LGI1: variants seen among roughly 807,000 people sequenced by gnomAD.
LGI1 encodes leucine rich glioma inactivated 1, also known as leucine-rich glioma-inactivated protein 1.
A neutral mutation model predicts 57.7 loss-of-function variants in LGI1; 11 were observed. The observed-to-expected ratio is 0.19, with a 90% CI of 0.12 to 0.32. The LOEUF (loss-of-function observed/expected upper bound fraction) is 0.32, where lower values mean the gene tolerates loss of function less well. Ranked by LOEUF, LGI1 falls within the 10% of genes least tolerant of loss-of-function variation. The pLI, the probability that LGI1 is intolerant of heterozygous loss-of-function variation, is 1.00. For missense variants in LGI1, 422 were observed against 661.9 expected, an observed-to-expected ratio of 0.64 and a Z score of 3.98; for synonymous variants, 222 against 241.9, an observed-to-expected ratio of 0.92 and a Z score of 0.76.
intron 2 of LGI1, chr10:93,771,669 A>T (rs907391000): frequency 1.3e-5 from 2 of 152,172 alleles, no homozygotes; most frequent in African/African-American, 4.8e-5. Context: ...TAAATTTATA[A>T]TTTTTTTAAA....
At chr10:93,771,354 A>C (rs1001910296) in intron 2 of LGI1, 1 of 152,258 alleles carries the variant, frequency 6.6e-6, no homozygotes, top group African/African-American at 2.4e-5. Context: ...TATTTAAAGA[A>C]TGAAATCATG....
At chr10:93,778,531 G>T (rs558591862) in intron 4 of LGI1, among the ~76,000 whole-genome samples, 2 of 152,224 alleles carry the variant, frequency 1.3e-5, no homozygotes, top group African/African-American at 4.8e-5. Flanking sequence ...CTGCCAAACA[G>T]GCACAATAAT....
At chr10:93,787,677 G>A (rs567145485) in intron 4 of LGI1, among the ~76,000 whole-genome samples, 98 of 152,188 alleles carry the variant, frequency 6.4e-4, no homozygotes, top group African/African-American at 2.3e-3. Flanking sequence ...GGAGGAAGAG[G>A]CATGAGGATA....
intron 2 of LGI1, chr10:93,770,725 A>G (rs1007860322): frequency 4.6e-5 from 7 of 152,184 alleles, no homozygotes; most frequent in Non-Finnish European, 7.3e-5. Flanking sequence ...GCTTAATGTT[A>G]GCATTTTACA....
In LGI1 at chr10:93,777,216, A is replaced by G. The variant is rs547635097; in HGVS notation, c.288-163A>G. The G allele has an allele frequency of 1.4e-5, 10 of 692,796 alleles. No individual in the cohort carries two copies. In the East Asian group the frequency reaches 2.7e-4, roughly 19 times the overall value. The allele number at this position is 692,796 out of a possible 1,614,324, so 42.9% of individuals were successfully genotyped here. ...CTTTGATGAGGAGATGATTAGGAGT[A>G]AAAAAATGCTGCATAGATTATCTGC... is the stretch of plus-strand genomic sequence containing the variant. On this transcript the variant is annotated intron_variant, in intron 2 of 7. Transcript: ENST00000371418.
intron 2 of LGI1, chr10:93,769,307 A>T (rs866859659): frequency 1.3e-5 from 2 of 152,168 alleles, no homozygotes; most frequent in Non-Finnish European, 2.9e-5. Flanking sequence ...TTACATATAC[A>T]TATACATATG....
chr10:93,762,397 T>G (rs2059633531), intron 2 of LGI1: 1 of 152,218 alleles, frequency 6.6e-6, no homozygotes, highest in Non-Finnish European at 1.5e-5. Context: ...AAAGAAGGAA[T>G]AAGTCCATCC....
At chr10:93,782,280 C>A (rs960181124) in intron 4 of LGI1, among the ~76,000 whole-genome samples, 2 of 152,168 alleles carry the variant, frequency 1.3e-5, no homozygotes, top group African/African-American at 2.4e-5. Flanking sequence ...GAATTTGGGG[C>A]AGGCCATTTA....
chr10:93,783,479 C>T (rs1392213861), intron 4 of LGI1, among the ~76,000 whole-genome samples: 1 of 152,200 alleles, frequency 6.6e-6, no homozygotes, highest in Non-Finnish European at 1.5e-5. Flanking sequence ...TTTAAAGAGC[C>T]TCCACGTTGC....
At position 93,758,015 on chromosome 10, in the gene LGI1, G is replaced by C. The variant is rs2059582242; in HGVS notation, c.-130G>C. The C allele has an allele frequency of 1.2e-6, 1 of 819,990 alleles. No homozygotes were observed. The highest frequency in any genetic ancestry group is 1.5e-5 in the South Asian group (1 of 68,690). 50.8% of individuals were successfully genotyped at this position (819,990 alleles called of 1,614,324 possible). On this transcript the variant is annotated 5_prime_UTR_variant, in exon 1 of 8. Transcript: ENST00000371418. This position sits in a 1 kb window ranked among gnomAD's most constrained non-coding sequence, Gnocchi z 4.7. ...GCTCACGAATCAGCTGCAGGTCTCT[G>C]TTTTGAAAAAGCAGAGATACAGAGG...
intron 2 of LGI1, chr10:93,764,937 A>G (rs1382521539): frequency 1.3e-5 from 2 of 152,242 alleles, no homozygotes; most frequent in Non-Finnish European, 2.9e-5. Flanking sequence ...ACTTGCTGAG[A>G]AATCTTTTCT....
At chr10:93,760,322 C>T (rs2059609424) in intron 2 of LGI1, among the ~76,000 whole-genome samples, 1 of 152,190 alleles carries the variant, frequency 6.6e-6, no homozygotes, top group Non-Finnish European at 1.5e-5. Flanking sequence ...AGATTCTTTC[C>T]CACAGAAAGG....
At position 93,797,224 on chromosome 10, in the gene LGI1, C is replaced by A. The variant is rs934556455; in HGVS notation, c.1095C>A (p.Asn365Lys). ...CTACCATTTACAAATGGAACGGAAA[C>A]GGATTCTACTCCCATCAATCCTTAC... ...GFTTIYKWNGNGFYSHQSLHA... is the reference protein window; with the variant it reads ...GFTTIYKWNGKGFYSHQSLHA... Residue 365 changes from asparagine to lysine, a missense_variant, in exon 8 of 8, where the codon AAC becomes AAA. Physicochemically the swap from Asn to Lys is moderately conservative, Grantham distance 94. Coordinates refer to ENST00000371418, the MANE Select transcript of LGI1 (RefSeq NM_005097.4). The surrounding 1 kb of genome is among the most constrained non-coding windows in gnomAD (Gnocchi z 6.5). 6.2e-7 allele frequency: 1 copy of A among 1,614,144 alleles called. No individual in the cohort carries two copies. Among genetic ancestry groups the A allele is most frequent in the Non-Finnish European group, 8.5e-7 (1 of 1,180,028 alleles).
chr10:93,775,198 T>A (rs536020772), intron 2 of LGI1, among the ~76,000 whole-genome samples: 8 of 152,188 alleles, frequency 5.3e-5, no homozygotes, highest in Non-Finnish European at 1.0e-4. Flanking sequence ...ATATTATCAT[T>A]ACCCCAAAAG....
Position 93,797,340 on chromosome 10 carries a change from G to A in LGI1, c.1211G>A (p.Ser404Asn). ...LRTPHLILSSSSQRPVIYQWN... is the reference protein window; with the variant it reads ...LRTPHLILSSNSQRPVIYQWN... ...ACGCCTCATTTAATTCTGTCTAGTAGTTCCCAGCGTCCTGTAATTTATCAG... is the reference window on the plus strand; with the variant it reads ...ACGCCTCATTTAATTCTGTCTAGTAATTCCCAGCGTCCTGTAATTTATCAG... The change falls in exon 8 of 8, where the codon AGT (serine) becomes AAT (asparagine). Residue 404 changes from serine to asparagine, a missense_variant. This residue lies in a region of LGI1 where 301 missense variants were observed against 461.7 expected (regional missense o/e 0.65). Transcript: ENST00000371418. This position sits in a 1 kb window ranked among gnomAD's most constrained non-coding sequence, Gnocchi z 6.5. 1 of 1,614,160 alleles carries A rather than the reference G, an allele frequency of 6.2e-7. No individual in the cohort carries two copies. Among genetic ancestry groups the A allele is most frequent in the Non-Finnish European group, 8.5e-7 (1 of 1,180,022 alleles).
intron 4 of LGI1, among the ~76,000 whole-genome samples, chr10:93,783,636 G>A (rs1344501721): frequency 6.6e-6 from 1 of 152,164 alleles, no homozygotes; most frequent in East Asian, 1.9e-4. Flanking sequence ...CCTCAAAGGA[G>A]CATCCTCTGC....
In LGI1 at chr10:93,758,138, C is replaced by T; in HGVS notation, c.-7C>T. On this transcript the variant is annotated 5_prime_UTR_variant, in exon 1 of 8. Coordinates refer to ENST00000371418, the MANE Select transcript of LGI1 (RefSeq NM_005097.4). The surrounding 1 kb of genome is among the most constrained non-coding windows in gnomAD (Gnocchi z 4.7). The stretch of plus-strand genomic sequence containing the variant: ...CTGTTCATGGTTGGGGATATTTTCT[C>T]GACTGCATGGAATCAGAAAGAAGCA... 6.2e-7 allele frequency: 1 copy of T among 1,613,466 alleles called. No homozygotes were observed. The highest frequency in any genetic ancestry group is 8.5e-7 in the Non-Finnish European group (1 of 1,179,450).
intron 4 of LGI1, among the ~76,000 whole-genome samples, chr10:93,784,152 A>G (rs1233004014): frequency 6.6e-6 from 1 of 152,172 alleles, no homozygotes; most frequent in East Asian, 1.9e-4. Context: ...ATAAAAGAAC[A>G]TTGATTAAAT....
At position 93,758,139 on chromosome 10, in the gene LGI1, G is replaced by A; in HGVS notation, c.-6G>A. The A allele has an allele frequency of 6.2e-7, 1 of 1,613,692 alleles. No homozygotes were observed. The highest frequency in any genetic ancestry group is 1.1e-5 in the South Asian group (1 of 91,040). ...TGTTCATGGTTGGGGATATTTTCTCGACTGCATGGAATCAGAAAGAAGCAA... is the reference window on the plus strand; with the variant it reads ...TGTTCATGGTTGGGGATATTTTCTCAACTGCATGGAATCAGAAAGAAGCAA... On this transcript the variant is annotated 5_prime_UTR_variant, in exon 1 of 8. Transcript: ENST00000371418. This position sits in a 1 kb window ranked among gnomAD's most constrained non-coding sequence, Gnocchi z 4.7.
Sources: gnomAD v4.1 joint callset for allele counts (sites outside exome capture counted in the v4.1 genomes callset) on GRCh38, gnomAD v4.1.1 for gene constraint, gnomAD v4.1.1 regional missense constraint, Gnocchi (gnomAD v3.1) non-coding constraint, MANE v1.5 for transcripts, NCBI Gene and HGNC (gene_info 2026-07-23, HGNC 2026-07-21) for gene names.